Variants in SZRD1 observed in about 807,000 individuals in gnomAD.
The protein encoded by SZRD1 is SUZ RNA binding domain containing 1.
Under a neutral mutation model 17.6 loss-of-function variants are expected in SZRD1, and 7 were observed. The observed-to-expected ratio is 0.40, with a 90% CI of 0.23 to 0.75. The LOEUF is 0.75. Ranked by LOEUF, SZRD1 falls within the 30% of genes least tolerant of loss-of-function variation. The pLI, the probability that SZRD1 is intolerant of heterozygous loss-of-function variation, is 0.38. For synonymous variants in SZRD1, 77 were observed against 77.9 expected (o/e 0.99, Z 0.06); for missense variants, 178 against 201.8 (o/e 0.88, Z 0.71).
At chr1:16,392,769 A>G (rs2085239264) in intron 2 of SZRD1, among the ~76,000 whole-genome samples, 1 of 152,100 alleles carries the variant, frequency 6.6e-6, no homozygotes. Flanking sequence ...TGAGCATGTG[A>G]TGGAAGATTT....
intron 1 of SZRD1, among the ~76,000 whole-genome samples, chr1:16,382,493 G>GTT (rs577765747): frequency 0.028 from 3,781 of 133,748 alleles, 164 homozygotes; most frequent in African/African-American, 0.098. Context: ...TGGCCACATG[G>GTT]TTTTTTTTTT....
At chr1:16,381,686 CT>C (rs1232150424) in intron 1 of SZRD1, among the ~76,000 whole-genome samples, 1 of 152,070 alleles carries the variant, frequency 6.6e-6, no homozygotes, top group African/African-American at 2.4e-5. Flanking sequence ...AATCTCAGCA[CT>C]TTGGGAGGCT....
chr1:16,381,291 G>A (rs2100720310), intron 1 of SZRD1, among the ~76,000 whole-genome samples: 1 of 152,240 alleles, frequency 6.6e-6, no homozygotes, highest in East Asian at 1.9e-4. Flanking sequence ...GGGCATGGTG[G>A]CTCACACCTG....
In SZRD1 at chr1:16,393,215, T is replaced by C; in HGVS notation, c.102-13T>C. On this transcript the variant is annotated splice_polypyrimidine_tract_variant and intron_variant, in intron 2 of 3. Coordinates refer to ENST00000401088, the MANE Select transcript of SZRD1 (RefSeq NM_001114600.3). The surrounding 1 kb of genome is among the most constrained non-coding windows in gnomAD (Gnocchi z 5.6). ...GGAGCATGATTTGTGAAGCTGTGTT[T>C]GCTCTTTGTCAGCAGGAAATCCAAA... 1 of 1,613,000 alleles carries C rather than the reference T, an allele frequency of 6.2e-7. No individual in the cohort carries two copies.
chr1:16,392,054 G>A (rs992320059), intron 2 of SZRD1, among the ~76,000 whole-genome samples: 3 of 152,058 alleles, frequency 2.0e-5, no homozygotes, highest in African/African-American at 7.2e-5. Flanking sequence ...TTGCTCACGG[G>A]GCTGCACAGT....
chr1:16,394,381 C>G (rs886436308), intron 3 of SZRD1, among the ~76,000 whole-genome samples: 9 of 152,178 alleles, frequency 5.9e-5, no homozygotes, highest in Admixed American at 2.0e-4. Flanking sequence ...CAGTTCTTTA[C>G]TTTGGCCTAA....
chr1:16,373,540 T>C (rs1354126516), intron 1 of SZRD1, among the ~76,000 whole-genome samples: 1 of 150,424 alleles, frequency 6.6e-6, no homozygotes, highest in Non-Finnish European at 1.5e-5. Context: ...GATTGCACCA[T>C]TGCACTCCAG....
chr1:16,376,501 A>G (rs1303024577), intron 1 of SZRD1, among the ~76,000 whole-genome samples: 2 of 152,158 alleles, frequency 1.3e-5, no homozygotes, highest in Non-Finnish European at 2.9e-5. Flanking sequence ...CCAAGTGGAA[A>G]AAGATAACAT....
At chr1:16,369,540 G>A (rs1169556991) in intron 1 of SZRD1, 20 of 747,690 alleles carry the variant, frequency 2.7e-5, no homozygotes, top group Non-Finnish European at 3.5e-5. Flanking sequence ...TGGCAGCAGC[G>A]GAGGCAGAAA....
Position 16,391,412 on chromosome 1 carries a change from C to A in SZRD1, c.89C>A (p.Thr30Lys). 1.3e-6 allele frequency: 2 copies of A among 1,549,002 alleles called. No individual in the cohort carries two copies. The highest frequency in any genetic ancestry group is 1.7e-6 in the Non-Finnish European group (2 of 1,146,438). The change falls in exon 2 of 4, where the codon ACA (threonine) becomes AAA (lysine). Residue 30 changes from threonine (T) to lysine (K), a missense_variant. Thr to Lys is a moderately conservative substitution (Grantham distance 78). Coordinates refer to ENST00000401088, the MANE Select transcript of SZRD1 (RefSeq NM_001114600.3). The surrounding 1 kb of genome is among the most constrained non-coding windows in gnomAD (Gnocchi z 4.3). ...CGGTTGGAAAAAAAACTGAAGATCA[C>A]ACAAAAAGAGAGGTAAGGCTGCTGT... ...DRRLEKKLKI[T>K]QKESRKSKSP... is the part of the protein sequence containing the mutation.
At chr1:16,392,987 T>C (rs1570047721) in intron 2 of SZRD1, among the ~76,000 whole-genome samples, 1 of 152,226 alleles carries the variant, frequency 6.6e-6, no homozygotes, top group East Asian at 1.9e-4. Context: ...TTCCAGCCCC[T>C]GTGGCCAGGG....
chr1:16,380,299 A>G (rs955925950), intron 1 of SZRD1, among the ~76,000 whole-genome samples: 2 of 151,246 alleles, frequency 1.3e-5, no homozygotes, highest in African/African-American at 4.9e-5. Context: ...ACATAGAGAG[A>G]CGCTCGTCTC....
chr1:16,377,170 TTTG>T (rs2083018420), intron 1 of SZRD1, among the ~76,000 whole-genome samples: 1 of 152,112 alleles, frequency 6.6e-6, no homozygotes, highest in Admixed American at 6.6e-5. Flanking sequence ...CTAACTGGGA[TTTG>T]ATGAGGGCAC....
At chr1:16,375,279 A>G (rs756740911) in intron 1 of SZRD1, among the ~76,000 whole-genome samples, 1 of 152,138 alleles carries the variant, frequency 6.6e-6, no homozygotes, top group Non-Finnish European at 1.5e-5. Context: ...CACAGAAATT[A>G]GCAACAAACC....
At chr1:16,367,437 A>G in intron 1 of SZRD1, 129 bp downstream of exon 1, 1 of 844,962 alleles carries the variant, frequency 1.2e-6, no homozygotes, top group Non-Finnish European at 1.8e-6. Flanking sequence ...GGTGGTGGAG[A>G]GGCCCCCAGT....
At chr1:16,386,850 T>C (rs2085133736) in intron 1 of SZRD1, among the ~76,000 whole-genome samples, 1 of 152,118 alleles carries the variant, frequency 6.6e-6, no homozygotes, top group South Asian at 2.1e-4. Flanking sequence ...CAGTGTGGAA[T>C]TGGGGGAGAT....
At chr1:16,373,519 C>T (rs575069377) in intron 1 of SZRD1, among the ~76,000 whole-genome samples, 20 of 142,982 alleles carry the variant, frequency 1.4e-4, no homozygotes, top group African/African-American at 2.6e-4. Flanking sequence ...GTGGAGGTTG[C>T]GGTGAGCCGA....
intron 1 of SZRD1, among the ~76,000 whole-genome samples, chr1:16,377,842 G>C (rs777114561): frequency 1.3e-5 from 2 of 152,160 alleles, no homozygotes; most frequent in Non-Finnish European, 1.5e-5. Flanking sequence ...TGAGTGTGAA[G>C]GCATTGTTCC....
At chr1:16,371,386 C>G (rs989930116) in intron 1 of SZRD1, among the ~76,000 whole-genome samples, 1 of 149,234 alleles carries the variant, frequency 6.7e-6, no homozygotes, top group Non-Finnish European at 1.5e-5. Flanking sequence ...TAGAATTTCT[C>G]CCCTCCCCTC....
Sources: allele counts gnomAD v4.1 joint callset (sites outside exome capture counted in the v4.1 genomes callset), GRCh38; gene constraint gnomAD v4.1.1; non-coding constraint Gnocchi (gnomAD v3.1); transcripts MANE v1.5; gene names NCBI Gene and HGNC (gene_info 2026-07-23, HGNC 2026-07-21).